MKLN1: variants seen among roughly 807,000 people sequenced by gnomAD.
MKLN1 encodes muskelin.
MKLN1 carries 18 observed loss-of-function variants against 99.0 expected under a neutral mutation model. That is an observed-to-expected ratio of 0.18 (90% CI 0.13 to 0.27). The LOEUF (loss-of-function observed/expected upper bound fraction) is 0.27, where lower values mean the gene tolerates loss of function less well. Among genes scored for constraint, MKLN1 ranks in the 10% least tolerant of loss-of-function variants. MKLN1 has a pLI of 1.00. For missense variants in MKLN1, 621 were observed against 875.9 expected (o/e 0.71, Z 3.67); for synonymous variants, 288 against 293.2 (o/e 0.98, Z 0.18).
At chr7:131,351,275 A>G (rs2116763627) in intron 1 of MKLN1, among the ~76,000 whole-genome samples, 1 of 152,022 alleles carries the variant, frequency 6.6e-6, no homozygotes, top group South Asian at 2.1e-4. Context: ...GAAGAAGAAG[A>G]GTCTTCCCAT....
intron 1 of MKLN1, among the ~76,000 whole-genome samples, chr7:131,352,154 A>G (rs928872253): frequency 6.6e-6 from 1 of 152,052 alleles, no homozygotes; most frequent in African/African-American, 2.4e-5. Flanking sequence ...TAGTCTCTTT[A>G]TTCATTGTGT....
intron 1 of MKLN1, among the ~76,000 whole-genome samples, chr7:131,114,745 A>T (rs1795248610): frequency 6.6e-6 from 1 of 152,162 alleles, no homozygotes; most frequent in Admixed American, 6.5e-5. Flanking sequence ...TAGGAGTTCG[A>T]GACCAGCCTG....
chr7:131,432,816 A>G (rs937634204), intron 9 of MKLN1, among the ~76,000 whole-genome samples: 1 of 152,212 alleles, frequency 6.6e-6, no homozygotes, highest in Non-Finnish European at 1.5e-5. Context: ...ATCTGGATTC[A>G]TATGCTTCTT....
intron 1 of MKLN1, among the ~76,000 whole-genome samples, chr7:131,358,539 C>G: frequency 6.6e-6 from 1 of 152,060 alleles, no homozygotes; most frequent in East Asian, 1.9e-4. Context: ...TAATGCTGGT[C>G]TCGTAGAAAG....
At chr7:131,299,098 G>A (rs1043655800) in intron 3 of MKLN1, among the ~76,000 whole-genome samples, 1 of 152,174 alleles carries the variant, frequency 6.6e-6, no homozygotes, top group Admixed American at 6.5e-5. Flanking sequence ...GAATACTGAA[G>A]ATGCACACAC....
chr7:131,321,249 A>AT (rs569619652), intron 3 of MKLN1, among the ~76,000 whole-genome samples: 216 of 102,114 alleles, frequency 2.1e-3, no homozygotes, highest in African/African-American at 6.0e-3. Flanking sequence ...CTATGCAGCT[A>AT]TAAAAAAAGA....
intron 4 of MKLN1, among the ~76,000 whole-genome samples, chr7:131,393,611 TTTTTGTTTTG>T (rs151210709): frequency 8.0e-4 from 122 of 151,888 alleles, no homozygotes; most frequent in African/African-American, 1.8e-3. Flanking sequence ...TTTTAAAAGG[TTTTTGTTTTG>T]TTTTGTTTTG....
At chr7:131,184,719 G>T (rs900945474) in intron 2 of MKLN1, among the ~76,000 whole-genome samples, 1 of 152,096 alleles carries the variant, frequency 6.6e-6, no homozygotes, top group Non-Finnish European at 1.5e-5. Context: ...TAGAGACAGG[G>T]TTTCACCACA....
chr7:131,382,906 G>T (rs928476891), intron 2 of MKLN1, among the ~76,000 whole-genome samples: 1 of 151,886 alleles, frequency 6.6e-6, no homozygotes, highest in Middle Eastern at 3.2e-3. Flanking sequence ...TGTATTTTTA[G>T]TAGAGACAGG....
chr7:131,200,634 C>A (rs1796713175), intron 2 of MKLN1, among the ~76,000 whole-genome samples: 1 of 152,122 alleles, frequency 6.6e-6, no homozygotes, highest in Admixed American at 6.6e-5. Context: ...ACCATTATAT[C>A]AAAATTGAAG....
intron 4 of MKLN1, among the ~76,000 whole-genome samples, chr7:131,391,065 A>G (rs1190207918): frequency 1.3e-5 from 2 of 152,120 alleles, no homozygotes; most frequent in East Asian, 3.8e-4. Context: ...CATTCTCTTA[A>G]GAACTTTTTT....
At chr7:131,137,053 G>A (rs1795659504) in intron 1 of MKLN1, among the ~76,000 whole-genome samples, 1 of 152,074 alleles carries the variant, frequency 6.6e-6, no homozygotes, top group Non-Finnish European at 1.5e-5. Flanking sequence ...GGGTCTCCCT[G>A]TGTTGCCCAG....
intron 3 of MKLN1, among the ~76,000 whole-genome samples, chr7:131,204,964 G>C (rs1796787096): frequency 6.6e-6 from 1 of 151,356 alleles, no homozygotes; most frequent in African/African-American, 2.4e-5. Context: ...TGGGTGTGGT[G>C]GTGGGCACCT....
intron 2 of MKLN1, among the ~76,000 whole-genome samples, chr7:131,169,562 T>G (rs1796187343): frequency 6.6e-6 from 1 of 152,236 alleles, no homozygotes; most frequent in Non-Finnish European, 1.5e-5. Context: ...ATCTGGAAGC[T>G]CTTTTTTGAG....
rs1235852837 is a variant in MKLN1, at chr7:131,491,719, TTCTTTTTCTGAATAAA to T, written c.*3993_*4008del. 6.6e-6 allele frequency: 1 copy of T among 152,562 alleles called. No homozygotes were observed. 9.5% of individuals were successfully genotyped at this position (152,562 alleles called of 1,614,324 possible). On this transcript the variant is annotated 3_prime_UTR_variant, in exon 18 of 18. Coordinates refer to ENST00000352689, the MANE Select transcript of MKLN1 (RefSeq NM_013255.5). Reference sequence around the variant, plus strand: ...TATTGATCTCTTCACCAAATGCTTTTTCTTTTTCTGAATAAATGCTGTATTAGAGGTTCTATTTATA... The same window carrying T: ...TATTGATCTCTTCACCAAATGCTTTTTGCTGTATTAGAGGTTCTATTTATA...
intron 3 of MKLN1, among the ~76,000 whole-genome samples, chr7:131,233,027 G>T (rs1015544934): frequency 4.6e-5 from 7 of 152,044 alleles, no homozygotes; most frequent in African/African-American, 1.7e-4. Context: ...CAAAGAAAGT[G>T]GCGTAAGTGT....
intron 3 of MKLN1, among the ~76,000 whole-genome samples, chr7:131,263,235 G>A (rs2116540558): frequency 6.6e-6 from 1 of 151,924 alleles, no homozygotes; most frequent in South Asian, 2.1e-4. Context: ...GACCGGGCAT[G>A]GTGGCTCATG....
At chr7:131,112,153 A>G (rs1050581247) in intron 1 of MKLN1, among the ~76,000 whole-genome samples, 1 of 152,224 alleles carries the variant, frequency 6.6e-6, no homozygotes, top group African/African-American at 2.4e-5. Context: ...GCCCTTTGAA[A>G]AAGATGTATA....
At chr7:131,268,400 A>T (rs527873464) in intron 3 of MKLN1, among the ~76,000 whole-genome samples, 1 of 152,312 alleles carries the variant, frequency 6.6e-6, no homozygotes, top group African/African-American at 2.4e-5. Context: ...AATTGTTATA[A>T]GAAATGACCT....
Sources: allele counts gnomAD v4.1 joint callset (sites outside exome capture counted in the v4.1 genomes callset), GRCh38; gene constraint gnomAD v4.1.1; transcripts MANE v1.5; gene names NCBI Gene and HGNC (gene_info 2026-07-23, HGNC 2026-07-21).